The following COL6A5 variants were observed in gnomAD, a reference collection of about 807,000 sequenced individuals.
COL6A5 encodes collagen type VI alpha 5 chain, also known as collagen alpha-5(VI) chain.
A neutral mutation model predicts 65.6 loss-of-function variants in COL6A5; 48 were observed. The observed-to-expected ratio is 0.73, with a 90% CI of 0.58 to 0.93. The LOEUF is 0.93. COL6A5 is among the 40% of genes least tolerant of loss of function. The probability of loss-of-function intolerance (pLI) is 0.00; values close to 1 mark genes in which losing one functional copy is unlikely to be tolerated. For missense variants in COL6A5, 914 were observed against 928.3 expected, an observed-to-expected ratio of 0.98 and a Z score of 0.20; for synonymous variants, 291 against 322.8, an observed-to-expected ratio of 0.90 and a Z score of 1.05.
intron 21 of COL6A5, 46 bp from the exon 22 acceptor site, chr3:130,414,023 A>G: frequency 7.3e-7 from 1 of 1,369,838 alleles, no homozygotes; most frequent in South Asian, 1.3e-5. Flanking sequence ...ATCTATATGG[A>G]AACAACGTGT....
chr3:130,379,404 T>C lies in COL6A5; in HGVS notation c.668-14T>C, dbSNP rs1026991546. ...TGGTTTATACTAATCCTCACACATTTTCTGTCTGCATAGTTCACTTCCCCA... is the reference window on the plus strand; with the variant it reads ...TGGTTTATACTAATCCTCACACATTCTCTGTCTGCATAGTTCACTTCCCCA... On this transcript the variant is annotated splice_polypyrimidine_tract_variant and intron_variant and NMD_transcript_variant, in intron 3 of 41. Transcript: ENST00000312481. 91 of 1,543,858 alleles carry C rather than the reference T, an allele frequency of 5.9e-5. No individual in the cohort carries two copies. The Admixed American group carries it at 1.8e-3, about 30-fold the overall frequency.
chr3:130,441,894 GAAATCTGA>G (rs1709191219), intron 3 of COL6A5, among the ~76,000 whole-genome samples: 1 of 152,094 alleles, frequency 6.6e-6, no homozygotes, highest in East Asian at 1.9e-4. Flanking sequence ...TTTCTTTCTG[GAAATCTGA>G]CAGGTTTAGA....
exon 1 of COL6A5, chr3:130,345,866 C>T: frequency 2.5e-6 from 1 of 398,564 alleles, no homozygotes; most frequent in East Asian, 3.6e-5. Flanking sequence ...TCCAACTGCG[C>T]CGCGGGCGCC....
At chr3:130,405,623 AG>A (rs1296075845) in exon 14 of COL6A5, 6 of 1,550,648 alleles carry the variant, frequency 3.9e-6, no homozygotes, top group Non-Finnish European at 4.4e-6. Context: ...AAGGAGACAA[AG>A]GGATTGCAGG....
chr3:130,442,411 T>C (rs1397496732), intron 3 of COL6A5, among the ~76,000 whole-genome samples: 1 of 152,176 alleles, frequency 6.6e-6, no homozygotes, highest in Non-Finnish European at 1.5e-5. Flanking sequence ...CCATTAAGAT[T>C]GATGATTATG....
At chr3:130,460,583 G>A (rs375293584) in intron 5 of COL6A5, among the ~76,000 whole-genome samples, 8 of 152,082 alleles carry the variant, frequency 5.3e-5, no homozygotes, top group East Asian at 1.9e-4. Context: ...GGAATAAAAC[G>A]TGGATACTTG....
intron 11 of COL6A5, among the ~76,000 whole-genome samples, chr3:130,401,549 C>T (rs190278551): frequency 5.9e-5 from 9 of 152,352 alleles, no homozygotes; most frequent in African/African-American, 2.2e-4. Flanking sequence ...AGACAGAGAT[C>T]ATTTCCTCTG....
intron 4 of COL6A5, among the ~76,000 whole-genome samples, chr3:130,449,360 T>C (rs56121417): frequency 0.56 from 85,401 of 152,038 alleles, 26,626 homozygotes; most frequent in Non-Finnish European, 0.71. Flanking sequence ...GGGAGCACTA[T>C]AAGAGTTATG....
At position 130,371,097 on chromosome 3, in the gene COL6A5, G is replaced by C. The variant is rs993271152; in HGVS notation, c.-28-2514G>C. 3.3e-5 allele frequency among the ~76,000 whole-genome samples: 5 copies of C among 152,104 alleles called. No homozygotes were observed. The East Asian group carries it at 5.8e-4, about 18-fold the overall frequency. On this transcript the variant is annotated intron_variant and NMD_transcript_variant, in intron 1 of 41. Transcript: ENST00000312481. ...TGAATTCACGTGGCTGTACAGAAAG[G>C]CCTCCTCTTTATCTTTGAATTCTTA...
At position 130,347,212 on chromosome 3, in the gene COL6A5, A is replaced by G. The variant is rs572492659; in HGVS notation, c.-29+1231A>G. ...ATTTCTCAGTTTTCCCTTTTCTTCA[A>G]TGGGTGGGTGCAGGATGTAAGGTTT... is the stretch of plus-strand genomic sequence containing the variant. On this transcript the variant is annotated intron_variant and NMD_transcript_variant, in intron 1 of 41. Coordinates refer to the COL6A5 transcript ENST00000312481. Among the ~76,000 whole-genome samples the G allele has an allele frequency of 3.3e-5, 5 of 152,250 alleles. No homozygotes were observed. In the East Asian group the frequency reaches 5.8e-4, roughly 18 times the overall value.
chr3:130,398,171 C>A, intron 10 of COL6A5, 60 bp downstream of exon 10: 1 of 1,178,942 alleles, frequency 8.5e-7, no homozygotes, highest in Non-Finnish European at 1.2e-6. Flanking sequence ...CAGTCTGTCA[C>A]CCAGGTTGGA....
intron 5 of COL6A5, among the ~76,000 whole-genome samples, chr3:130,386,318 A>C (rs2107648068): frequency 6.6e-6 from 1 of 152,168 alleles, no homozygotes; most frequent in Non-Finnish European, 1.5e-5. Context: ...CACGTGGAGC[A>C]GTTAGAGGAG....
At chr3:130,395,148 T>C in exon 8 of COL6A5, 1 of 1,551,716 alleles carries the variant, frequency 6.4e-7, no homozygotes, top group Non-Finnish European at 8.7e-7. Flanking sequence ...TTTCCAAGAA[T>C]TGACTTTGCC....
exon 5 of COL6A5, chr3:130,384,826 T>C: frequency 6.5e-7 from 1 of 1,548,226 alleles, no homozygotes; most frequent in Non-Finnish European, 8.7e-7. Flanking sequence ...CAAAAGAGGC[T>C]GATATCCACT....
intron 1 of COL6A5, among the ~76,000 whole-genome samples, chr3:130,369,411 C>T (rs550301986): frequency 1.6e-4 from 25 of 152,228 alleles, no homozygotes; most frequent in African/African-American, 5.1e-4. Flanking sequence ...AGAATTACAC[C>T]GAGGCCTTTG....
At chr3:130,428,402 A>G (rs1423783592), upstream of COL6A5, among the ~76,000 whole-genome samples, 2 of 152,134 alleles carry the variant, frequency 1.3e-5, no homozygotes, top group Non-Finnish European at 2.9e-5. Context: ...TTTGGAAAAT[A>G]AAAGAAGGTG....
intron 5 of COL6A5, among the ~76,000 whole-genome samples, chr3:130,461,590 A>C (rs1257948147): frequency 3.3e-5 from 5 of 152,098 alleles, no homozygotes; most frequent in Non-Finnish European, 7.4e-5. Context: ...ATGGACTTTT[A>C]ACAATGTATG....
chr3:130,406,028 G>A lies in COL6A5; in HGVS notation c.4380+9G>A, dbSNP rs192170363. 314 of 1,551,398 alleles carry A rather than the reference G, an allele frequency of 2.0e-4. No homozygotes were observed. In the East Asian group the frequency reaches 5.3e-3, roughly 26 times the overall value. On this transcript the variant is annotated intron_variant and NMD_transcript_variant, in intron 15 of 41. Transcript: ENST00000312481. Reference sequence around the variant, plus strand: ...GATTTTCTGGACCTAAGGTACTGGAGTTTTTTCTTAGTTTAATTTGATTTC... The same window carrying A: ...GATTTTCTGGACCTAAGGTACTGGAATTTTTTCTTAGTTTAATTTGATTTC...
chr3:130,400,936 C>A (rs1055610519), intron 10 of COL6A5, 95 bp from the exon 11 acceptor site: 6 of 1,049,308 alleles, frequency 5.7e-6, no homozygotes, highest in African/African-American at 3.3e-5. Context: ...CTTTTCAATT[C>A]TTTAAATCAT....
Sources: gnomAD v4.1 joint callset for allele counts (sites outside exome capture counted in the v4.1 genomes callset) on GRCh38, gnomAD v4.1.1 for gene constraint, MANE v1.5 for transcripts, NCBI Gene and HGNC (gene_info 2026-07-23, HGNC 2026-07-21) for gene names.